CNTNAP4: variants seen among roughly 807,000 people sequenced by gnomAD.
The protein encoded by CNTNAP4 is contactin associated protein family member 4.
In CNTNAP4, 98 loss-of-function variants were observed where a neutral mutation model predicts 148.4. That is an observed-to-expected ratio of 0.66 (90% CI 0.56 to 0.78). CNTNAP4 has a LOEUF of 0.78. Ranked by LOEUF, CNTNAP4 falls within the 30% of genes least tolerant of loss-of-function variation. The pLI is 0.00. For synonymous variants in CNTNAP4, 730 were observed against 565.1 expected, an observed-to-expected ratio of 1.29 and a Z score of -4.14; for missense variants, 1,935 against 1,565.6, an observed-to-expected ratio of 1.24 and a Z score of -3.98.
chr16:76,522,267 C>T lies in CNTNAP4; in HGVS notation c.2755+10C>T. Reference sequence around the variant, plus strand: ...AGTCAGCTCTTCGTGGGTAAGTTCTCTTTTTAAGCAATCATTTTATTGTAT... The same window carrying T: ...AGTCAGCTCTTCGTGGGTAAGTTCTTTTTTTAAGCAATCATTTTATTGTAT... On this transcript the variant is annotated intron_variant, in intron 17 of 23. Coordinates refer to ENST00000611870, the MANE Select transcript of CNTNAP4 (RefSeq NM_033401.5). The T allele has an allele frequency of 6.2e-6, 10 of 1,610,790 alleles. No homozygotes were observed. Among genetic ancestry groups the T allele is most frequent in the Non-Finnish European group, 8.5e-6 (10 of 1,177,670 alleles).
chr16:76,493,772 TC>T (rs2143820867), intron 13 of CNTNAP4, among the ~76,000 whole-genome samples: 1 of 152,332 alleles, frequency 6.6e-6, no homozygotes, highest in African/African-American at 2.4e-5. Flanking sequence ...TAACACAGCT[TC>T]TAATAACTCT....
At chr16:76,353,978 A>T (rs1014187013) in intron 2 of CNTNAP4, among the ~76,000 whole-genome samples, 1 of 152,190 alleles carries the variant, frequency 6.6e-6, no homozygotes, top group East Asian at 1.9e-4. Context: ...TGGGTCATGT[A>T]TGCCAAGAAT....
chr16:76,496,107 G>GTGTGTGTGTGTA (rs1555576715), intron 14 of CNTNAP4, among the ~76,000 whole-genome samples: 174 of 151,194 alleles, frequency 1.2e-3, no homozygotes, highest in Admixed American at 2.1e-3. Context: ...GTGTGTGTGT[G>GTGTGTGTGTGTA]CGTGTATTTC....
intron 21 of CNTNAP4, among the ~76,000 whole-genome samples, chr16:76,542,935 A>T (rs533596236): frequency 6.6e-6 from 1 of 152,326 alleles, no homozygotes; most frequent in East Asian, 1.9e-4. Context: ...ATATTATAAA[A>T]CAATTGGGAA....
At chr16:76,316,588 A>T in intron 2 of CNTNAP4, 65 bp downstream of exon 2, 1 of 1,036,346 alleles carries the variant, frequency 9.6e-7, no homozygotes. Context: ...TTATCTTTGC[A>T]TACAGTCATT....
chr16:76,334,079 C>T (rs535859558), intron 2 of CNTNAP4, among the ~76,000 whole-genome samples: 1 of 151,660 alleles, frequency 6.6e-6, no homozygotes, highest in Non-Finnish European at 1.5e-5. Flanking sequence ...ATACCTAACA[C>T]TAAATGACGA....
At chr16:76,363,131 C>T (rs1000746158) in intron 3 of CNTNAP4, among the ~76,000 whole-genome samples, 2 of 148,984 alleles carry the variant, frequency 1.3e-5, no homozygotes, top group African/African-American at 4.9e-5. Context: ...TGGATATCCA[C>T]ATGCAAAACA....
At chr16:76,501,763 C>G (rs563028430) in intron 15 of CNTNAP4, among the ~76,000 whole-genome samples, 11 of 152,196 alleles carry the variant, frequency 7.2e-5, no homozygotes, top group African/African-American at 2.6e-4. Context: ...CAGAGGGGAG[C>G]TACTACATTA....
chr16:76,546,865 A>G (rs141423841), intron 21 of CNTNAP4, among the ~76,000 whole-genome samples: 101 of 152,340 alleles, frequency 6.6e-4, no homozygotes, highest in African/African-American at 2.2e-3. Context: ...TTCTCATGCC[A>G]TCATAGTACA....
intron 3 of CNTNAP4, among the ~76,000 whole-genome samples, chr16:76,391,414 G>A (rs931289034): frequency 6.6e-6 from 1 of 152,116 alleles, no homozygotes; most frequent in African/African-American, 2.4e-5. Flanking sequence ...AATTGCTAAC[G>A]TTTCTTTTTT....
At chr16:76,388,523 T>A (rs1391875001) in intron 3 of CNTNAP4, among the ~76,000 whole-genome samples, 1 of 152,198 alleles carries the variant, frequency 6.6e-6, no homozygotes. Flanking sequence ...TATCAGTCAA[T>A]TCACACAAGG....
intron 8 of CNTNAP4, among the ~76,000 whole-genome samples, chr16:76,455,802 A>AT (rs1294151806): frequency 3.3e-5 from 5 of 151,990 alleles, no homozygotes; most frequent in African/African-American, 1.2e-4. Context: ...TGGCAGGCTA[A>AT]TTTTTTTTCT....
intron 3 of CNTNAP4, among the ~76,000 whole-genome samples, chr16:76,417,664 TCTTA>T (rs1400872710): frequency 6.6e-6 from 1 of 151,642 alleles, no homozygotes; most frequent in Non-Finnish European, 1.5e-5. Context: ...AAATAAATGA[TCTTA>T]CTTCTTTTAT....
In CNTNAP4 at chr16:76,521,192, T is replaced by G; in HGVS notation, c.2418T>G (p.Phe806Leu). The G allele has an allele frequency of 6.2e-7, 1 of 1,611,764 alleles. No homozygotes were observed. The highest frequency in any genetic ancestry group is 8.5e-7 in the Non-Finnish European group (1 of 1,179,254). ...SFDTEASYLHFPTFHGELSAD... is the reference protein window; with the variant it reads ...SFDTEASYLHLPTFHGELSAD... ...ATACCGAGGCTTCATATCTTCATTTTCCTACCTTCCACGGAGAACTTAGCG... is the reference window on the plus strand; with the variant it reads ...ATACCGAGGCTTCATATCTTCATTTGCCTACCTTCCACGGAGAACTTAGCG... Residue 806 changes from phenylalanine (F) to leucine (L), a missense_variant, in exon 16 of 24, where the codon TTT becomes TTG. By Grantham distance (22) the Phe-to-Leu change is conservative. Transcript: ENST00000611870.
Position 76,494,944 on chromosome 16 carries a change from C to G in CNTNAP4, c.2115C>G (p.Thr705=). ...CTCTGAGTTGGTGGGTAGGAAGAAC[C>G]AATGAAACGCAAACCTACTGGGGAG... is the stretch of plus-strand genomic sequence containing the variant. ...GTPLSWWVGR[T]NETQTYWGGS... The change falls in exon 14 of 24, where the codon ACC becomes ACG. Residue 705 remains threonine (T), a synonymous_variant. Transcript: ENST00000611870. 1 of 1,613,410 alleles carries G rather than the reference C, an allele frequency of 6.2e-7. No homozygotes were observed. Among genetic ancestry groups the G allele is most frequent in the Non-Finnish European group, 8.5e-7 (1 of 1,179,516 alleles).
At chr16:76,498,755 T>A (rs1363705195) in intron 15 of CNTNAP4, 61 bp downstream of exon 15, 2 of 1,464,538 alleles carry the variant, frequency 1.4e-6, no homozygotes, top group Non-Finnish European at 1.8e-6. Context: ...TAAAGTACCA[T>A]CACTTAAGCA....
intron 5 of CNTNAP4, 27 bp from the exon 6 acceptor site, chr16:76,448,737 ATGG>A: frequency 6.6e-7 from 1 of 1,521,902 alleles, no homozygotes. Context: ...ACTGGCAATA[ATGG>A]TGCTGTTATT....
intron 13 of CNTNAP4, among the ~76,000 whole-genome samples, chr16:76,491,436 A>G (rs547504776): frequency 1.1e-4 from 17 of 152,236 alleles, no homozygotes; most frequent in Non-Finnish European, 1.9e-4. Context: ...AATGGGGCCA[A>G]TGATACCAGC....
At position 76,296,167 on chromosome 16, in the gene CNTNAP4, T is replaced by C. The variant is rs942287218; in HGVS notation, c.85+18420T>C. On this transcript the variant is annotated intron_variant, in intron 1 of 23. Transcript: ENST00000611870. ...TTTCTGAAATAAGGCTGATACAAAA[T>C]GTTTTCTAACATTATGTATTGTTGC... Among the ~76,000 whole-genome samples the C allele has an allele frequency of 7.9e-5, 12 of 152,332 alleles. No individual in the cohort carries two copies. The East Asian group carries it at 2.1e-3, about 27-fold the overall frequency.
Sources: gnomAD v4.1 joint callset for allele counts (sites outside exome capture counted in the v4.1 genomes callset) on GRCh38, gnomAD v4.1.1 for gene constraint, MANE v1.5 for transcripts, NCBI Gene and HGNC (gene_info 2026-07-23, HGNC 2026-07-21) for gene names.